GRM7: variants seen among roughly 807,000 people sequenced by gnomAD.
The protein encoded by GRM7 is metabotropic glutamate receptor 7.
Under a neutral mutation model 84.5 loss-of-function variants are expected in GRM7, and 35 were observed. That is an observed-to-expected ratio of 0.41 (90% CI 0.32 to 0.55). The LOEUF (loss-of-function observed/expected upper bound fraction) is 0.55. Among genes scored for constraint, GRM7 ranks in the 20% least tolerant of loss-of-function variants. The pLI is 0.19. For synonymous variants in GRM7, 487 were observed against 455.1 expected, an observed-to-expected ratio of 1.07 and a Z score of -0.89; for missense variants, 1,003 against 1,194.6, an observed-to-expected ratio of 0.84 and a Z score of 2.36.
At chr3:7,087,886 CATCTTTGTCTAATACTT>C (rs1698518885) in intron 1 of GRM7, among the ~76,000 whole-genome samples, 1 of 152,118 alleles carries the variant, frequency 6.6e-6, no homozygotes, top group South Asian at 2.1e-4. Context: ...CCAGCATTGC[CATCTTTGTCTAATACTT>C]AGAAGAGAGA....
intron 9 of GRM7, among the ~76,000 whole-genome samples, chr3:7,693,363 TC>T (rs1421473887): frequency 5.3e-5 from 8 of 151,648 alleles, no homozygotes; most frequent in Admixed American, 2.6e-4. Context: ...AAAAGCTAAT[TC>T]CCCCCACCCC....
chr3:7,430,321 T>C (rs968622804), intron 5 of GRM7, among the ~76,000 whole-genome samples: 1 of 152,210 alleles, frequency 6.6e-6, no homozygotes, highest in African/African-American at 2.4e-5. Context: ...GCTTCTAAGA[T>C]GTTTGGCAAG....
At chr3:7,044,567 C>T (rs185420522) in intron 1 of GRM7, among the ~76,000 whole-genome samples, 9 of 152,148 alleles carry the variant, frequency 5.9e-5, no homozygotes, top group East Asian at 1.9e-4. Context: ...AAAAGAAAGC[C>T]GCAGTGACGT....
chr3:7,130,433 C>T (rs1693553771), intron 1 of GRM7, among the ~76,000 whole-genome samples: 1 of 151,632 alleles, frequency 6.6e-6, no homozygotes, highest in African/African-American at 2.4e-5. Flanking sequence ...ATCCCAGGTA[C>T]TTGAGAGGCT....
intron 4 of GRM7, among the ~76,000 whole-genome samples, chr3:7,336,741 C>T (rs112545514): frequency 0.039 from 5,943 of 151,826 alleles, 245 homozygotes; most frequent in African/African-American, 0.11. Flanking sequence ...TACGGCTATA[C>T]ACCAAGAGCG....
At chr3:7,307,082 A>C (rs1433662856) in intron 4 of GRM7, among the ~76,000 whole-genome samples, 1 of 151,938 alleles carries the variant, frequency 6.6e-6, no homozygotes, top group African/African-American at 2.4e-5. Context: ...GGTCCCTTCC[A>C]GCTCAGGGAG....
At chr3:6,909,214 G>A (rs1442213169) in intron 1 of GRM7, among the ~76,000 whole-genome samples, 2 of 152,066 alleles carry the variant, frequency 1.3e-5, no homozygotes, top group Non-Finnish European at 2.9e-5. Context: ...GCAAACTTTT[G>A]CATCCAACTC....
intron 1 of GRM7, among the ~76,000 whole-genome samples, chr3:7,053,836 T>A (rs888638760): frequency 5.9e-5 from 9 of 151,420 alleles, no homozygotes; most frequent in African/African-American, 2.2e-4. Context: ...TTGTTATGGT[T>A]ATTATAGGCC....
rs1019773125 is a variant in GRM7 at position 7,440,924 on chromosome 3, C to G, written c.1175-11683C>G. On this transcript the variant is annotated intron_variant, in intron 5 of 9. Coordinates refer to ENST00000357716, the MANE Select transcript of GRM7 (RefSeq NM_000844.4). ...ATGGAAATACAAGTCAATGCCATGT[C>G]TTTGCTATTGTGAATAGCGCTGCCA... Among the ~76,000 whole-genome samples the G allele has an allele frequency of 2.6e-5, 4 of 152,136 alleles. No individual in the cohort carries two copies. The South Asian group carries it at 6.2e-4, about 24-fold the overall frequency.
intron 1 of GRM7, among the ~76,000 whole-genome samples, chr3:7,024,491 G>A (rs1425654003): frequency 1.3e-5 from 2 of 152,234 alleles, no homozygotes; most frequent in African/African-American, 2.4e-5. Flanking sequence ...AGTAGGAGGT[G>A]GTGTTTGAAC....
intron 2 of GRM7, among the ~76,000 whole-genome samples, chr3:7,210,078 C>T (rs1202855208): frequency 3.3e-5 from 5 of 152,160 alleles, no homozygotes; most frequent in African/African-American, 9.7e-5. Context: ...CTAGGAGACT[C>T]ATCTTCATCA....
chr3:6,903,018 T>A (rs540630487), intron 1 of GRM7, among the ~76,000 whole-genome samples: 2 of 152,104 alleles, frequency 1.3e-5, no homozygotes, highest in Non-Finnish European at 2.9e-5. Flanking sequence ...AAAAGCTGAT[T>A]TCTATTTGCT....
intron 8 of GRM7, among the ~76,000 whole-genome samples, chr3:7,628,045 G>A (rs914344143): frequency 1.3e-5 from 2 of 152,102 alleles, no homozygotes; most frequent in South Asian, 2.1e-4. Context: ...GCAAACTCAT[G>A]CCCCTTTCCT....
intron 1 of GRM7, among the ~76,000 whole-genome samples, chr3:7,144,816 A>AAACCTCACTATAATTTT: frequency 6.6e-6 from 1 of 152,198 alleles, no homozygotes; most frequent in Non-Finnish European, 1.5e-5. Context: ...TATAATTGAC[A>AAACCTCACTATAATTTT]AGTTGCTCAG....
intron 1 of GRM7, among the ~76,000 whole-genome samples, chr3:6,958,077 A>ATG (rs139080887): frequency 0.16 from 23,596 of 150,680 alleles, 1,780 homozygotes; most frequent in East Asian, 0.21. Context: ...ATGTGTATAT[A>ATG]TGTGTGTGTG....
rs115977261 is a variant in GRM7, at chr3:6,963,036, T to C, written c.519+101129T>C. Among the ~76,000 whole-genome samples the C allele has an allele frequency of 7.7e-3, 1,169 of 152,302 alleles. 18 individuals carry two copies. The highest frequency in any genetic ancestry group is 0.027 in the African/African-American group (1,121 of 41,570). On this transcript the variant is annotated intron_variant, in intron 1 of 9. Transcript: ENST00000357716. Reference sequence around the variant, plus strand: ...CCAAAGGGCCCATGTATAGTTCATTTCTCTGCAGTGTGTAATTGCAGCTTT... The same window carrying C: ...CCAAAGGGCCCATGTATAGTTCATTCCTCTGCAGTGTGTAATTGCAGCTTT...
intron 1 of GRM7, among the ~76,000 whole-genome samples, chr3:7,001,337 G>A (rs1472699607): frequency 2.0e-5 from 3 of 152,068 alleles, no homozygotes; most frequent in Admixed American, 2.0e-4. Flanking sequence ...GTGACAGAGT[G>A]AGACCCTGTC....
chr3:7,447,432 C>T (rs953329642), intron 5 of GRM7, among the ~76,000 whole-genome samples: 2 of 151,986 alleles, frequency 1.3e-5, no homozygotes. Flanking sequence ...TTAAATAAAC[C>T]TGGAAAATAC....
At chr3:7,179,131 T>C (rs1695253484) in intron 2 of GRM7, among the ~76,000 whole-genome samples, 1 of 151,750 alleles carries the variant, frequency 6.6e-6, no homozygotes, top group African/African-American at 2.4e-5. Context: ...GTTATCTTGG[T>C]ACTCTAGAAA....
Sources: allele counts gnomAD v4.1 joint callset (sites outside exome capture counted in the v4.1 genomes callset), GRCh38; gene constraint gnomAD v4.1.1; transcripts MANE v1.5; gene names NCBI Gene and HGNC (gene_info 2026-07-23, HGNC 2026-07-21).